PALLD: variants seen among roughly 807,000 people sequenced by gnomAD.
PALLD encodes the protein palladin.
In PALLD, 61 loss-of-function variants were observed where a neutral mutation model predicts 123.5. The ratio of observed to expected loss-of-function variants is 0.49; its 90% CI spans 0.40 to 0.61. PALLD has a LOEUF of 0.61. Among genes scored for constraint, PALLD ranks in the 20% least tolerant of loss-of-function variants. The pLI is 0.00. For missense variants in PALLD, 1,273 were observed against 1,377.0 expected, an observed-to-expected ratio of 0.92 and a Z score of 1.20; for synonymous variants, 465 against 496.4, an observed-to-expected ratio of 0.94 and a Z score of 0.84.
intron 2 of PALLD, among the ~76,000 whole-genome samples, chr4:168,615,015 T>C (rs1774087495): frequency 6.6e-6 from 1 of 152,158 alleles, no homozygotes; most frequent in South Asian, 2.1e-4. Context: ...CCCCAGTGCA[T>C]GGATATTAGG....
intron 10 of PALLD, among the ~76,000 whole-genome samples, chr4:168,786,933 C>A (rs1736845340): frequency 1.3e-5 from 2 of 152,038 alleles, no homozygotes; most frequent in African/African-American, 4.8e-5. Flanking sequence ...GGAAACATCC[C>A]AATGGGAGGT....
At chr4:168,802,336 A>G (rs1739462723) in intron 10 of PALLD, among the ~76,000 whole-genome samples, 1 of 152,210 alleles carries the variant, frequency 6.6e-6, no homozygotes, top group South Asian at 2.1e-4. Context: ...ACCCACTGAA[A>G]ATTGTCCCAG....
At chr4:168,753,274 G>T (rs1731313721) in intron 10 of PALLD, among the ~76,000 whole-genome samples, 1 of 152,042 alleles carries the variant, frequency 6.6e-6, no homozygotes, top group South Asian at 2.1e-4. Flanking sequence ...TTTAACATTT[G>T]AGAACCCATT....
At chr4:168,664,714 A>G (rs567230306) in intron 2 of PALLD, among the ~76,000 whole-genome samples, 1 of 151,046 alleles carries the variant, frequency 6.6e-6, no homozygotes, top group South Asian at 2.1e-4. Flanking sequence ...CTGTCAAGTC[A>G]CCAGTTCTAT....
chr4:168,831,971 C>T (rs994613212), intron 10 of PALLD: 7 of 983,030 alleles, frequency 7.1e-6, no homozygotes, highest in Middle Eastern at 5.2e-4. Flanking sequence ...GCGAGCCACG[C>T]CTCCTCTCTC....
At position 168,878,233 on chromosome 4, in the gene PALLD, A is replaced by ACCG. The variant is rs200020758; in HGVS notation, c.1965-12684_1965-12682dup. The ACCG allele has an allele frequency of 1.7e-3, 2,483 of 1,497,616 alleles. 36 individuals are homozygous for ACCG. In the African/African-American group the frequency reaches 0.032, roughly 20 times the overall value. 92.8% of individuals were successfully genotyped at this position (1,497,616 alleles called of 1,614,324 possible). On this transcript the variant is annotated intron_variant, in intron 10 of 21. Coordinates refer to ENST00000505667, the MANE Select transcript of PALLD (RefSeq NM_001166108.2). ...ACGTGTTCCCACTGCCGCCGCCACC[A>ACCG]CCGCCGCTCCCGAGCCCGGGACAGG...
In PALLD at chr4:168,844,040, G is replaced by A. The variant is rs934589739; in HGVS notation, c.1965-46882G>A. ...CAAACTAGAGAAGGAAGATGTGGGT[G>A]TCCTTTCCTCACGCGTTAACAAGGA... On this transcript the variant is annotated intron_variant, in intron 10 of 21. Coordinates refer to ENST00000505667, the MANE Select transcript of PALLD (RefSeq NM_001166108.2). This position sits in a 1 kb window ranked among gnomAD's most constrained non-coding sequence, Gnocchi z 4.5. 4.6e-5 allele frequency: 7 copies of A among 152,196 alleles called. No homozygotes were observed. Among genetic ancestry groups the A allele is most frequent in the African/African-American group, 1.7e-4 (7 of 41,458 alleles). The allele number at this position is 152,196 out of a possible 1,614,324, so 9.4% of individuals were successfully genotyped here.
chr4:168,684,871 A>G (rs368319211), intron 5 of PALLD, among the ~76,000 whole-genome samples: 1 of 152,204 alleles, frequency 6.6e-6, no homozygotes, highest in Non-Finnish European at 1.5e-5. Context: ...ATAAATCCAG[A>G]TCATTTAAAA....
At chr4:168,860,729 C>G (rs1335899445) in intron 10 of PALLD, among the ~76,000 whole-genome samples, 3 of 152,202 alleles carry the variant, frequency 2.0e-5, no homozygotes. Context: ...GGCTGAGGCA[C>G]AAGAATCACT....
At chr4:168,721,889 T>C (rs893152400) in intron 10 of PALLD, among the ~76,000 whole-genome samples, 3 of 152,140 alleles carry the variant, frequency 2.0e-5, no homozygotes, top group Non-Finnish European at 2.9e-5. Flanking sequence ...TAGGAATCCT[T>C]CCCCAGAAAA....
intron 10 of PALLD, among the ~76,000 whole-genome samples, chr4:168,890,120 T>A (rs1343607105): frequency 6.6e-6 from 1 of 152,210 alleles, no homozygotes; most frequent in Non-Finnish European, 1.5e-5. Flanking sequence ...AGCAACTTGC[T>A]TAAGGCACCA....
chr4:168,836,848 T>G (rs371512532), intron 10 of PALLD, among the ~76,000 whole-genome samples: 1 of 152,168 alleles, frequency 6.6e-6, no homozygotes. Context: ...TTTAGTGGTT[T>G]CCCAGGCCAG....
rs948644696 is a variant in PALLD, at chr4:168,587,599, T to C, written c.908+75187T>C. 3.9e-5 allele frequency among the ~76,000 whole-genome samples: 6 copies of C among 152,130 alleles called. No individual in the cohort carries two copies. The East Asian group carries it at 1.2e-3, about 29-fold the overall frequency. ...CCAGCATCTCCCAACTTTTCCGTTTTTTCTCAAACCTCAGCTTGCCTTGTG... is the reference window on the plus strand; with the variant it reads ...CCAGCATCTCCCAACTTTTCCGTTTCTTCTCAAACCTCAGCTTGCCTTGTG... On this transcript the variant is annotated intron_variant, in intron 2 of 21. Coordinates refer to ENST00000505667, the MANE Select transcript of PALLD (RefSeq NM_001166108.2).
In PALLD at chr4:168,497,839, T is replaced by G. The variant is rs960707890; in HGVS notation, c.-83+645T>G. Among the ~76,000 whole-genome samples the G allele has an allele frequency of 3.1e-4, 47 of 152,364 alleles. 1 individual carries two copies. Among genetic ancestry groups the G allele is most frequent in the Admixed American group, 9.1e-4 (14 of 15,304 alleles). ...AAGTTTAAACATCACAGAATAATTTTTATCATGTTGTTTTAAGTTGCACAT... is the reference window on the plus strand; with the variant it reads ...AAGTTTAAACATCACAGAATAATTTGTATCATGTTGTTTTAAGTTGCACAT... On this transcript the variant is annotated intron_variant, in intron 1 of 21. Coordinates refer to ENST00000505667, the MANE Select transcript of PALLD (RefSeq NM_001166108.2).
At chr4:168,671,426 G>C (rs528598878) in intron 3 of PALLD, among the ~76,000 whole-genome samples, 26 of 152,334 alleles carry the variant, frequency 1.7e-4, no homozygotes, top group Admixed American at 8.5e-4. Context: ...AGCTTTCCAT[G>C]TGACACTGCT....
At chr4:168,803,630 G>A (rs1739687038) in intron 10 of PALLD, among the ~76,000 whole-genome samples, 1 of 150,006 alleles carries the variant, frequency 6.7e-6, no homozygotes, top group Non-Finnish European at 1.5e-5. Flanking sequence ...AGGCTGCAGT[G>A]AGCTACGATG....
chr4:168,575,223 A>C (rs562684581), intron 2 of PALLD, among the ~76,000 whole-genome samples: 1 of 152,140 alleles, frequency 6.6e-6, no homozygotes, highest in Admixed American at 6.6e-5. Flanking sequence ...GTCCGTTTTC[A>C]CACTGCTATA....
At chr4:168,539,312 G>C (rs760452659) in intron 2 of PALLD, among the ~76,000 whole-genome samples, 1 of 152,238 alleles carries the variant, frequency 6.6e-6, no homozygotes, top group East Asian at 1.9e-4. Flanking sequence ...AGTCCTGCCC[G>C]GGCGCGGTGG....
intron 14 of PALLD, among the ~76,000 whole-genome samples, chr4:168,902,605 G>A (rs533850159): frequency 6.7e-4 from 102 of 152,078 alleles, no homozygotes; most frequent in Non-Finnish European, 1.2e-3. Context: ...CTGCACCACC[G>A]CACTCTGCAC....
Sources: gnomAD v4.1 joint callset for allele counts (sites outside exome capture counted in the v4.1 genomes callset) on GRCh38, gnomAD v4.1.1 for gene constraint, Gnocchi (gnomAD v3.1) non-coding constraint, MANE v1.5 for transcripts, NCBI Gene and HGNC (gene_info 2026-07-23, HGNC 2026-07-21) for gene names.